SLC6A15: variants seen among roughly 807,000 people sequenced by gnomAD.
The protein encoded by SLC6A15 is sodium-dependent neutral amino acid transporter B(0)AT2.
A neutral mutation model predicts 68.5 loss-of-function variants in SLC6A15; 33 were observed. The ratio of observed to expected loss-of-function variants is 0.48; its 90% CI spans 0.37 to 0.64. The LOEUF (loss-of-function observed/expected upper bound fraction) is 0.64. Ranked by LOEUF, SLC6A15 falls within the 30% of genes least tolerant of loss-of-function variation. The pLI, the probability that SLC6A15 is intolerant of heterozygous loss-of-function variation, is 0.00. For missense variants in SLC6A15, 747 were observed against 874.3 expected, an observed-to-expected ratio of 0.85 and a Z score of 1.84; for synonymous variants, 347 against 301.0, an observed-to-expected ratio of 1.15 and a Z score of -1.58.
intron 5 of SLC6A15, chr12:84,883,069 G>T (rs762114851): frequency 9.1e-6 from 9 of 984,376 alleles, no homozygotes; most frequent in Non-Finnish European, 1.1e-5. Context: ...CAGTTAAACG[G>T]CAGAGAGAAG....
chr12:84,898,088 T>A (rs1872703927), intron 1 of SLC6A15, among the ~76,000 whole-genome samples: 1 of 152,194 alleles, frequency 6.6e-6, no homozygotes, highest in Non-Finnish European at 1.5e-5. Flanking sequence ...ATGCCTATAA[T>A]CCCAGCACTG....
At chr12:84,871,578 T>G (rs1377999159) in intron 8 of SLC6A15, among the ~76,000 whole-genome samples, 1 of 147,576 alleles carries the variant, frequency 6.8e-6, no homozygotes, top group Admixed American at 6.8e-5. Flanking sequence ...AGATGAGAAT[T>G]AAAAAAAAAA....
At chr12:84,873,781 T>G (rs1398391671) in intron 6 of SLC6A15, among the ~76,000 whole-genome samples, 5 of 152,208 alleles carry the variant, frequency 3.3e-5, no homozygotes, top group African/African-American at 1.2e-4. Context: ...AGAAAACAAT[T>G]ATAAACTTCG....
intron 1 of SLC6A15, among the ~76,000 whole-genome samples, chr12:84,907,324 G>A (rs1055822094): frequency 2.4e-4 from 36 of 151,558 alleles, no homozygotes; most frequent in African/African-American, 8.5e-4. Flanking sequence ...CTCCAGCCTG[G>A]GCCACAGAGG....
At chr12:84,876,368 A>G in intron 6 of SLC6A15, 129 bp downstream of exon 6, 1 of 501,082 alleles carries the variant, frequency 2.0e-6, no homozygotes, top group South Asian at 4.5e-5. Flanking sequence ...AGACTGGTTA[A>G]CAACTATAAT....
chr12:84,865,024 T>G (rs1278855141), intron 10 of SLC6A15, among the ~76,000 whole-genome samples: 4 of 152,178 alleles, frequency 2.6e-5, no homozygotes, highest in South Asian at 4.1e-4. Flanking sequence ...AAGTCTATCA[T>G]GAATAACGAA....
chr12:84,863,423 C>A lies in SLC6A15; in HGVS notation c.1818+16G>T. On this transcript the variant is annotated intron_variant, in intron 11 of 11. Transcript: ENST00000266682. Reference sequence around the variant, plus strand: ...ATATATCTTTTAAAAATGTAATTCCCTTATTTTGTATTTACCTTATCTTCA... The same window carrying A: ...ATATATCTTTTAAAAATGTAATTCCATTATTTTGTATTTACCTTATCTTCA... The A allele has an allele frequency of 6.5e-7, 1 of 1,536,100 alleles. No homozygotes were observed. Among genetic ancestry groups the A allele is most frequent in the South Asian group, 1.3e-5 (1 of 76,824 alleles).
chr12:84,862,083 G>A (rs953140250), intron 11 of SLC6A15, 77 bp from the exon 12 acceptor site: 19 of 1,404,960 alleles, frequency 1.4e-5, no homozygotes, highest in Non-Finnish European at 1.7e-5. Flanking sequence ...CTTGCTTCAA[G>A]TTTGTAAGCA....
rs191926156 is a variant in SLC6A15 at position 84,874,959 on chromosome 12, G to A, written c.867+1538C>T. Among the ~76,000 whole-genome samples, 571 of 152,270 alleles carry A rather than the reference G, an allele frequency of 3.7e-3. 2 individuals carry two copies. The highest frequency in any genetic ancestry group is 5.9e-3 in the Non-Finnish European group (400 of 68,022). ...CTTATCAACACTCAATGAAAAGTTA[G>A]CTGAAGGAAAACTAACATTTTAATA... On this transcript the variant is annotated intron_variant, in intron 6 of 11. Transcript: ENST00000266682.
intron 1 of SLC6A15, among the ~76,000 whole-genome samples, chr12:84,911,443 A>C (rs1592621054): frequency 6.6e-6 from 1 of 151,976 alleles, no homozygotes; most frequent in Non-Finnish European, 1.5e-5. Context: ...CGGAGTCCGG[A>C]CCCCGCCCCG....
chr12:84,911,357 G>A (rs1470116781), intron 1 of SLC6A15, among the ~76,000 whole-genome samples: 1 of 152,142 alleles, frequency 6.6e-6, no homozygotes, highest in Non-Finnish European at 1.5e-5. Flanking sequence ...GATCTGGAGG[G>A]GAAAACGGCA....
intron 9 of SLC6A15, 111 bp downstream of exon 9, chr12:84,870,367 G>C: frequency 2.0e-6 from 1 of 490,168 alleles, no homozygotes; most frequent in Non-Finnish European, 3.4e-6. Context: ...AGTGATAATA[G>C]ACATTAATAA....
rs1243394985 is a variant in SLC6A15 at position 84,908,724 on chromosome 12, T to C, written c.-189+3799A>G. ...AATATTTTCTGTATATTCAAGCATA[T>C]ATATATGTGTGTATACACACTTAAA... On this transcript the variant is annotated intron_variant, in intron 1 of 11. Coordinates refer to ENST00000266682, the MANE Select transcript of SLC6A15 (RefSeq NM_182767.6). Among the ~76,000 whole-genome samples, 4 of 151,754 alleles carry C rather than the reference T, an allele frequency of 2.6e-5. 1 individual carries two copies. The highest frequency in any genetic ancestry group is 2.6e-4 in the Admixed American group (4 of 15,226).
At chr12:84,873,979 C>T (rs1565722731) in intron 6 of SLC6A15, among the ~76,000 whole-genome samples, 1 of 152,112 alleles carries the variant, frequency 6.6e-6, no homozygotes, top group East Asian at 1.9e-4. Context: ...TGTAGTTGTG[C>T]TTTATGTCTT....
At chr12:84,896,556 G>C (rs567743617) in intron 1 of SLC6A15, among the ~76,000 whole-genome samples, 22 of 152,240 alleles carry the variant, frequency 1.4e-4, no homozygotes, top group African/African-American at 4.6e-4. Flanking sequence ...TGAAAATGTG[G>C]AGTTCCCCAG....
At chr12:84,877,080 C>T (rs1220821137) in intron 5 of SLC6A15, among the ~76,000 whole-genome samples, 1 of 152,158 alleles carries the variant, frequency 6.6e-6, no homozygotes, top group African/African-American at 2.4e-5. Flanking sequence ...CCCAAACAAT[C>T]AAACGTGTAA....
At chr12:84,879,219 C>G (rs1215545626) in intron 5 of SLC6A15, among the ~76,000 whole-genome samples, 2 of 151,940 alleles carry the variant, frequency 1.3e-5, no homozygotes, top group African/African-American at 4.8e-5. Context: ...TGTGAACTTG[C>G]TGGTGAACTT....
intron 1 of SLC6A15, among the ~76,000 whole-genome samples, chr12:84,911,064 G>A (rs78540826): frequency 0.04 from 6,046 of 152,088 alleles, 382 homozygotes; most frequent in African/African-American, 0.13. Flanking sequence ...GGGCGCCTAA[G>A]ACATAAATAG....
intron 1 of SLC6A15, among the ~76,000 whole-genome samples, chr12:84,911,151 A>C (rs1469338698): frequency 1.3e-5 from 2 of 152,162 alleles, no homozygotes; most frequent in Non-Finnish European, 2.9e-5. Flanking sequence ...TCTGCACATA[A>C]TAATTCCTCA....
Sources: gnomAD v4.1 joint callset for allele counts (sites outside exome capture counted in the v4.1 genomes callset) on GRCh38, gnomAD v4.1.1 for gene constraint, MANE v1.5 for transcripts, NCBI Gene and HGNC (gene_info 2026-07-23, HGNC 2026-07-21) for gene names.